PSME4: variants seen among roughly 807,000 people sequenced by gnomAD.
PSME4 encodes the protein proteasome activator complex subunit 4.
A neutral mutation model predicts 253.9 loss-of-function variants in PSME4; 89 were observed. The ratio of observed to expected loss-of-function variants is 0.35; its 90% CI spans 0.30 to 0.42. PSME4 has a LOEUF of 0.42. Ranked by LOEUF, PSME4 falls within the 10% of genes least tolerant of loss-of-function variation. The probability of loss-of-function intolerance (pLI) is 1.00; values close to 1 mark genes in which losing one functional copy is unlikely to be tolerated. For missense variants in PSME4, 2,014 were observed against 2,195.2 expected, an observed-to-expected ratio of 0.92 and a Z score of 1.65; for synonymous variants, 851 against 759.2, an observed-to-expected ratio of 1.12 and a Z score of -1.99.
At chr2:53,942,430 A>G (rs1320793499) in intron 3 of PSME4, among the ~76,000 whole-genome samples, 1 of 151,942 alleles carries the variant, frequency 6.6e-6, no homozygotes, top group Non-Finnish European at 1.5e-5. Flanking sequence ...GTTTTCTTAT[A>G]CCCTATTTCC....
rs529091067 is a variant in PSME4 at position 53,865,820 on chromosome 2, A to G, written c.*5-247T>C. The G allele has an allele frequency of 7.4e-5, 28 of 379,968 alleles. No individual in the cohort carries two copies. In the South Asian group the frequency reaches 1.1e-3, roughly 15 times the overall value. The allele number at this position is 379,968 out of a possible 1,614,324, so 23.5% of individuals were successfully genotyped here. On this transcript the variant is annotated intron_variant, in intron 46 of 46. Transcript: ENST00000404125. ...GAATAAGATGTATTTTCCTTTATCT[A>G]ACTATTCCCAGGCTGACACCACTCA...
In PSME4 at chr2:53,901,465, A is replaced by G. The variant is rs1680395842; in HGVS notation, c.3170T>C (p.Val1057Ala). 6.2e-7 allele frequency: 1 copy of G among 1,613,972 alleles called. No individual in the cohort carries two copies. Among genetic ancestry groups the G allele is most frequent in the Non-Finnish European group, 8.5e-7 (1 of 1,179,966 alleles). ...CATTGCTTGGCTAAGCCCTGAAGAA[A>G]CAATCGCTGGCCACGTCTGTACAAT... ...DCIVQTWPAI[V>A]SSGLSQAMSL... The change falls in exon 28 of 47, where the codon GTT becomes GCT. Residue 1057 changes from valine (V) to alanine (A), a missense_variant. Physicochemically the swap from Val to Ala is moderately conservative, Grantham distance 64. Transcript: ENST00000404125.
At chr2:53,966,640 G>C (rs901548470) in intron 1 of PSME4, among the ~76,000 whole-genome samples, 6 of 152,054 alleles carry the variant, frequency 3.9e-5, no homozygotes, top group Non-Finnish European at 7.4e-5. Flanking sequence ...GTGTTCTAAC[G>C]AGCACCCGCA....
chr2:53,909,831 G>A (rs1159390578), intron 21 of PSME4, among the ~76,000 whole-genome samples: 1 of 152,058 alleles, frequency 6.6e-6, no homozygotes, highest in Non-Finnish European at 1.5e-5. Flanking sequence ...GCTTGGTGGT[G>A]CACACCTGTA....
chr2:53,901,498 C>T lies in PSME4; in HGVS notation c.3137G>A (p.Trp1046Ter). The change falls in exon 28 of 47, where the codon TGG becomes TAG. Residue 1046 changes from tryptophan to a stop codon, truncating the protein, a stop_gained. Transcript: ENST00000404125. LOFTEE classifies it high-confidence loss of function. ...TGGCCACGTCTGTACAATACAGTCC[C>T]AATCATGAAGGTTTGCCAAGCACAC... Reference protein sequence around the residue: ...SGVCLANLHDWDCIVQTWPAI... With the variant: ...SGVCLANLHD The T allele has an allele frequency of 1.2e-6, 2 of 1,613,866 alleles. No individual in the cohort carries two copies. The highest frequency in any genetic ancestry group is 2.2e-5 in the East Asian group (1 of 44,876).
intron 14 of PSME4, 85 bp downstream of exon 14, chr2:53,925,453 TA>T: frequency 1.7e-6 from 2 of 1,205,656 alleles, no homozygotes; most frequent in African/African-American, 3.0e-5. Flanking sequence ...AACTGCATGA[TA>T]TACACAAAGT....
At chr2:53,879,973 A>G (rs184084661) in intron 41 of PSME4, among the ~76,000 whole-genome samples, 1 of 152,236 alleles carries the variant, frequency 6.6e-6, no homozygotes, top group African/African-American at 2.4e-5. Context: ...TAAAAAAATT[A>G]CAGAAGTATA....
At chr2:53,910,245 GAC>G in intron 20 of PSME4, 115 bp from the exon 21 acceptor site, 1 of 808,296 alleles carries the variant, frequency 1.2e-6, no homozygotes, top group Non-Finnish European at 2.1e-6. Context: ...TCTTTTAACA[GAC>G]ACAGATTTCC....
At chr2:53,924,744 G>C (rs991767911) in intron 14 of PSME4, among the ~76,000 whole-genome samples, 67 of 152,146 alleles carry the variant, frequency 4.4e-4, no homozygotes, top group Admixed American at 3.7e-3. Flanking sequence ...ACTTACATTA[G>C]GTATCTCTCC....
Position 53,893,697 on chromosome 2 carries a change from G to T in PSME4, c.4015C>A (p.Pro1339Thr), listed in dbSNP as rs762465146. 1.2e-6 allele frequency: 2 copies of T among 1,610,292 alleles called. No individual in the cohort carries two copies. Among genetic ancestry groups the T allele is most frequent in the Non-Finnish European group, 1.7e-6 (2 of 1,178,152 alleles). The change falls in exon 35 of 47, where the codon CCA becomes ACA. Residue 1339 changes from proline to threonine, a missense_variant. Physicochemically the swap from Pro to Thr is conservative, Grantham distance 38. Coordinates refer to ENST00000404125, the MANE Select transcript of PSME4 (RefSeq NM_014614.3). ...EDRKGKDKFNPRRFCLFKGIF... is the reference protein window; with the variant it reads ...EDRKGKDKFNTRRFCLFKGIF... ...ACCTTAAAGAGGCAAAAACGTCGTGGATTAAACTTATCTTTTCCTTTTCTG... is the reference window on the plus strand; with the variant it reads ...ACCTTAAAGAGGCAAAAACGTCGTGTATTAAACTTATCTTTTCCTTTTCTG...
chr2:53,951,921 T>C (rs1670017232), intron 1 of PSME4, among the ~76,000 whole-genome samples: 1 of 152,134 alleles, frequency 6.6e-6, no homozygotes. Flanking sequence ...TACACCCAAA[T>C]ATATTATTAT....
At chr2:53,961,460 G>C (rs984806488) in intron 1 of PSME4, among the ~76,000 whole-genome samples, 1 of 152,092 alleles carries the variant, frequency 6.6e-6, no homozygotes, top group Non-Finnish European at 1.5e-5. Context: ...GAGCCCAGGA[G>C]TTTGCGACCA....
At chr2:53,869,808 C>A (rs1397070742) in intron 43 of PSME4, 30 of 224,584 alleles carry the variant, frequency 1.3e-4, no homozygotes, top group Non-Finnish European at 1.7e-5. Context: ...ATTTTCCCTA[C>A]TGATAGCTCT....
chr2:53,908,016 T>G, intron 24 of PSME4: 1 of 297,326 alleles, frequency 3.4e-6, no homozygotes, highest in South Asian at 5.3e-5. Flanking sequence ...TGCCCATAGA[T>G]AATTCCTCCT....
intron 1 of PSME4, among the ~76,000 whole-genome samples, chr2:53,961,049 G>A (rs1248353274): frequency 6.6e-6 from 1 of 152,208 alleles, no homozygotes; most frequent in African/African-American, 2.4e-5. Flanking sequence ...AGAGGTTGCA[G>A]TGAGGCAAGA....
rs376924758 is a variant in PSME4 at position 53,895,082 on chromosome 2, T to C, written c.3843-6A>G. On this transcript the variant is annotated splice_polypyrimidine_tract_variant and splice_region_variant and intron_variant, in intron 33 of 46. Coordinates refer to ENST00000404125, the MANE Select transcript of PSME4 (RefSeq NM_014614.3). ...CAGCATAAACAACCATATTCCTATA[T>C]AGTAAGAGTTCATATTTATCATACG... The C allele has an allele frequency of 3.8e-6, 6 of 1,598,726 alleles. No homozygotes were observed. In the Admixed American group the frequency reaches 5.4e-5, roughly 14 times the overall value.
intron 24 of PSME4, 145 bp from the exon 25 acceptor site, chr2:53,907,013 T>A: frequency 1.5e-6 from 1 of 655,650 alleles, no homozygotes; most frequent in Non-Finnish European, 2.6e-6. Flanking sequence ...TCTAAAGACA[T>A]CAGGCTTATA....
At chr2:53,945,226 T>C (rs1669646626) in intron 3 of PSME4, among the ~76,000 whole-genome samples, 1 of 152,256 alleles carries the variant, frequency 6.6e-6, no homozygotes, top group South Asian at 2.1e-4. Flanking sequence ...TACTATAACT[T>C]GCAATATGCT....
At position 53,876,128 on chromosome 2, in the gene PSME4, C is replaced by T. The variant is rs143804311; in HGVS notation, c.4816-373G>A. Among the ~76,000 whole-genome samples, 579 of 152,194 alleles carry T rather than the reference C, an allele frequency of 3.8e-3. 4 individuals are homozygous for T. Among genetic ancestry groups the T allele is most frequent in the African/African-American group, 0.013 (521 of 41,520 alleles). On this transcript the variant is annotated intron_variant, in intron 41 of 46. Coordinates refer to ENST00000404125, the MANE Select transcript of PSME4 (RefSeq NM_014614.3). Reference sequence around the variant, plus strand: ...TACAGTTATAATATAAAATATGTGGCGGTACTCAGATTTCCCCAAGTACCA... The same window carrying T: ...TACAGTTATAATATAAAATATGTGGTGGTACTCAGATTTCCCCAAGTACCA...
Sources: gnomAD v4.1 joint callset for allele counts (sites outside exome capture counted in the v4.1 genomes callset) on GRCh38, gnomAD v4.1.1 for gene constraint, MANE v1.5 for transcripts, NCBI Gene and HGNC (gene_info 2026-07-23, HGNC 2026-07-21) for gene names.